The following TCF4 variants were observed in gnomAD, a reference collection of about 807,000 sequenced individuals.
The protein encoded by TCF4 is SL3-3 enhancer factor 2.
Under a neutral mutation model 82.1 loss-of-function variants are expected in TCF4, and 3 were observed. The observed-to-expected ratio is 0.04, with a 90% CI of 0.02 to 0.09. The LOEUF is 0.09. Among genes scored for constraint, TCF4 ranks in the 10% least tolerant of loss-of-function variants. TCF4 has a pLI of 1.00. For missense variants in TCF4, 518 were observed against 852.7 expected (o/e 0.61, Z 4.89); for synonymous variants, 276 against 309.6 (o/e 0.89, Z 1.14).
intron 6 of TCF4, chr18:55,401,643 C>T (rs574325471): frequency 1.4e-5 from 14 of 988,800 alleles, no homozygotes; most frequent in Admixed American, 5.9e-5. Flanking sequence ...TCCCCACAAA[C>T]GGAGAAAGGA....
chr18:55,317,826 T>A lies in TCF4; in HGVS notation c.549+32533A>T, dbSNP rs566959739. Among the ~76,000 whole-genome samples the A allele has an allele frequency of 8.6e-4, 131 of 152,196 alleles. 1 individual carries two copies. In the South Asian group the frequency reaches 0.027, roughly 31 times the overall value. On this transcript the variant is annotated intron_variant, in intron 8 of 19. Transcript: ENST00000354452. ...CGTAACATTATTTTATTCTTTGGCC[T>A]TGATATCAGAAATAATTAACATCCA... is the stretch of plus-strand genomic sequence containing the variant.
At chr18:55,352,381 G>A (rs1340944218) in intron 6 of TCF4, among the ~76,000 whole-genome samples, 2 of 152,000 alleles carry the variant, frequency 1.3e-5, no homozygotes, top group Non-Finnish European at 2.9e-5. Flanking sequence ...CTATTCCAAG[G>A]GGTTTTTCTG....
intron 6 of TCF4, among the ~76,000 whole-genome samples, chr18:55,397,572 G>C (rs1030476068): frequency 2.0e-5 from 3 of 152,134 alleles, no homozygotes; most frequent in African/African-American, 7.2e-5. Context: ...AACAGCTCTA[G>C]TTTAAAAGAA....
At chr18:55,398,069 A>G (rs568991236) in intron 6 of TCF4, among the ~76,000 whole-genome samples, 3 of 152,220 alleles carry the variant, frequency 2.0e-5, no homozygotes, top group Admixed American at 6.5e-5. Context: ...TGGGGATAGA[A>G]GGGAAGGTAT....
intron 8 of TCF4, among the ~76,000 whole-genome samples, chr18:55,280,855 C>T (rs1298522084): frequency 6.6e-6 from 1 of 152,010 alleles, no homozygotes; most frequent in Non-Finnish European, 1.5e-5. Context: ...GAATCATAAA[C>T]TAAGCATTAA....
intron 3 of TCF4, among the ~76,000 whole-genome samples, chr18:55,552,474 G>T (rs949728388): frequency 6.6e-6 from 1 of 152,128 alleles, no homozygotes; most frequent in Non-Finnish European, 1.5e-5. Flanking sequence ...TTTTTTCAAT[G>T]CTAAGAAGAC....
chr18:55,521,405 A>G (rs1215809304), intron 3 of TCF4, among the ~76,000 whole-genome samples: 1 of 152,190 alleles, frequency 6.6e-6, no homozygotes, highest in African/African-American at 2.4e-5. Context: ...TTCAATAGAG[A>G]TGTCAATAAG....
chr18:55,314,904 C>T (rs2073691234), intron 8 of TCF4, among the ~76,000 whole-genome samples: 1 of 152,046 alleles, frequency 6.6e-6, no homozygotes, highest in African/African-American at 2.4e-5. Context: ...ATTCAGTACT[C>T]TATAATTCTC....
At chr18:55,527,863 A>G (rs2097007207) in intron 3 of TCF4, among the ~76,000 whole-genome samples, 2 of 152,084 alleles carry the variant, frequency 1.3e-5, no homozygotes, top group African/African-American at 4.8e-5. Context: ...TTTCTGTTAT[A>G]AAAAAATGTT....
intron 8 of TCF4, among the ~76,000 whole-genome samples, chr18:55,294,449 G>T (rs1043662764): frequency 1.3e-5 from 2 of 152,158 alleles, no homozygotes; most frequent in African/African-American, 4.8e-5. Context: ...AAGTAGAAGA[G>T]AACCAGTCCT....
At chr18:55,534,505 C>A (rs2097098226) in intron 3 of TCF4, among the ~76,000 whole-genome samples, 1 of 152,228 alleles carries the variant, frequency 6.6e-6, no homozygotes, top group African/African-American at 2.4e-5. Flanking sequence ...CCCCTGTCTG[C>A]ACTCATCAAA....
At chr18:55,514,407 AC>A (rs1568286067) in intron 3 of TCF4, among the ~76,000 whole-genome samples, 9 of 11,520 alleles carry the variant, frequency 7.8e-4, no homozygotes, top group Non-Finnish European at 1.2e-3. Flanking sequence ...CTATCCATGC[AC>A]ACACACACAC....
At chr18:55,530,004 G>A (rs758169565) in intron 3 of TCF4, among the ~76,000 whole-genome samples, 1 of 152,104 alleles carries the variant, frequency 6.6e-6, no homozygotes, top group Non-Finnish European at 1.5e-5. Flanking sequence ...GTTAATTTCT[G>A]AAGAACAAAA....
intron 3 of TCF4, among the ~76,000 whole-genome samples, chr18:55,511,148 A>C (rs1457297774): frequency 5.9e-5 from 9 of 152,084 alleles, no homozygotes; most frequent in Non-Finnish European, 2.9e-5. Flanking sequence ...TTTCTTCCAC[A>C]TAACACATAT....
chr18:55,549,361 T>C (rs925452035), intron 3 of TCF4, among the ~76,000 whole-genome samples: 1 of 152,178 alleles, frequency 6.6e-6, no homozygotes, highest in Admixed American at 6.5e-5. Flanking sequence ...TAGCTTACTC[T>C]AACTTTTTTA....
intron 9 of TCF4, 119 bp downstream of exon 9, chr18:55,279,432 A>G: frequency 6.8e-7 from 1 of 1,460,104 alleles, no homozygotes; most frequent in South Asian, 1.2e-5. Flanking sequence ...TAAGAAGAGC[A>G]TGACTTCAAA....
intron 3 of TCF4, among the ~76,000 whole-genome samples, chr18:55,467,977 A>G (rs1223511113): frequency 1.3e-5 from 2 of 152,192 alleles, no homozygotes; most frequent in African/African-American, 2.4e-5. Flanking sequence ...CAGAGCTTGG[A>G]CACAAAAGGA....
At chr18:55,563,880 AAATG>A (rs1182769794) in intron 3 of TCF4, among the ~76,000 whole-genome samples, 2 of 152,254 alleles carry the variant, frequency 1.3e-5, no homozygotes, top group Non-Finnish European at 2.9e-5. Context: ...AAAATTCATT[AAATG>A]AATAGAAAAG....
intron 3 of TCF4, among the ~76,000 whole-genome samples, chr18:55,506,003 C>A (rs976343634): frequency 5.3e-5 from 8 of 152,126 alleles, no homozygotes; most frequent in Non-Finnish European, 7.4e-5. Context: ...TTCAGCTGAC[C>A]TGACTTGTTC....
Sources: allele counts gnomAD v4.1 joint callset (sites outside exome capture counted in the v4.1 genomes callset), GRCh38; gene constraint gnomAD v4.1.1; transcripts MANE v1.5; gene names NCBI Gene and HGNC (gene_info 2026-07-23, HGNC 2026-07-21).